The following CECR2 variants were observed in gnomAD, a reference collection of about 807,000 sequenced individuals.
CECR2 encodes the protein CECR2 histone acetyl-lysine reader, also known as chromatin remodeling regulator CECR2.
A neutral mutation model predicts 154.5 loss-of-function variants in CECR2; 30 were observed. The ratio of observed to expected loss-of-function variants is 0.19; its 90% CI spans 0.15 to 0.26. The LOEUF (loss-of-function observed/expected upper bound fraction) is 0.26. Among genes scored for constraint, CECR2 ranks in the 10% least tolerant of loss-of-function variants. CECR2 has a pLI of 1.00. For synonymous variants in CECR2, 725 were observed against 683.7 expected, an observed-to-expected ratio of 1.06 and a Z score of -0.94; for missense variants, 1,743 against 1,829.3, an observed-to-expected ratio of 0.95 and a Z score of 0.86.
chr22:17,464,784 AG>A (rs762228096), intron 1 of CECR2, among the ~76,000 whole-genome samples: 7 of 152,138 alleles, frequency 4.6e-5, no homozygotes, highest in Non-Finnish European at 7.4e-5. Flanking sequence ...TACATCCATG[AG>A]CCATTGTGCC....
chr22:17,376,009 C>A lies in CECR2; in HGVS notation c.126+6100C>A, dbSNP rs960956025. Among the ~76,000 whole-genome samples the A allele has an allele frequency of 3.0e-4, 45 of 151,050 alleles. 1 individual carries two copies. Among genetic ancestry groups the A allele is most frequent in the African/African-American group, 1.0e-3 (41 of 41,134 alleles). On this transcript the variant is annotated intron_variant, in intron 1 of 18. Transcript: ENST00000262608. ...TGTCACACTAATCTATTTAATGTAA[C>A]ATACTAGAGGATAAAATGCCTTCTA...
chr22:17,538,461 A>C, intron 10 of CECR2, 59 bp from the exon 11 acceptor site: 2 of 1,453,348 alleles, frequency 1.4e-6, no homozygotes, highest in Non-Finnish European at 1.9e-6. Context: ...TAGACCTGAG[A>C]GAGCTCAGGA....
intron 1 of CECR2, among the ~76,000 whole-genome samples, chr22:17,397,640 G>A (rs2053831971): frequency 6.6e-6 from 1 of 152,020 alleles, no homozygotes; most frequent in African/African-American, 2.4e-5. Context: ...TGGAACTACA[G>A]GCGCCCGCCA....
At chr22:17,394,804 T>A (rs1359976741) in intron 1 of CECR2, among the ~76,000 whole-genome samples, 1 of 152,226 alleles carries the variant, frequency 6.6e-6, no homozygotes, top group East Asian at 1.9e-4. Flanking sequence ...TATTTAGATC[T>A]TTGATTTCTT....
At chr22:17,454,562 A>ACC (rs1198781735) in intron 1 of CECR2, among the ~76,000 whole-genome samples, 4 of 148,760 alleles carry the variant, frequency 2.7e-5, no homozygotes, top group African/African-American at 1.0e-4. Context: ...CTGAGATCGC[A>ACC]CCACTGCACT....
intron 5 of CECR2, among the ~76,000 whole-genome samples, chr22:17,502,859 C>T (rs952877860): frequency 3.3e-5 from 5 of 152,096 alleles, no homozygotes; most frequent in African/African-American, 1.2e-4. Context: ...GATACTGTTG[C>T]CATAACATAG....
intron 1 of CECR2, among the ~76,000 whole-genome samples, chr22:17,397,698 T>A (rs528791935): frequency 2.6e-5 from 4 of 151,954 alleles, no homozygotes; most frequent in African/African-American, 9.7e-5. Flanking sequence ...GGGGTTTCAC[T>A]GTGTTAGCCA....
intron 9 of CECR2, among the ~76,000 whole-genome samples, chr22:17,532,813 G>A (rs2056379380): frequency 7.8e-6 from 1 of 128,282 alleles, no homozygotes; most frequent in African/African-American, 3.0e-5. Flanking sequence ...CGCCTCCCGG[G>A]TTCAAATAAT....
At chr22:17,497,305 C>CTGT in intron 2 of CECR2, 98 bp from the exon 3 acceptor site, 1 of 1,261,662 alleles carries the variant, frequency 7.9e-7, no homozygotes, top group South Asian at 1.5e-5. Context: ...AAACAAAAAT[C>CTGT]TGTTAGCTGT....
Position 17,476,983 on chromosome 22 carries a change from C to T in CECR2, c.127-605C>T, listed in dbSNP as rs866312919. On this transcript the variant is annotated intron_variant, in intron 1 of 18. Coordinates refer to ENST00000262608, the MANE Select transcript of CECR2 (RefSeq NM_001290047.2). ...AGGAAAGCAAAGACATTCACAGAGA[C>T]GTTACCTCATTCTGTTTAGATGATG... is the stretch of plus-strand genomic sequence containing the variant. The T allele has an allele frequency of 6.9e-5, 41 of 593,644 alleles. 1 individual carries two copies. The Middle Eastern group carries it at 1.5e-3, about 22-fold the overall frequency. 36.8% of individuals were successfully genotyped at this position (593,644 alleles called of 1,614,324 possible).
At chr22:17,443,107 C>T (rs765481075) in intron 1 of CECR2, among the ~76,000 whole-genome samples, 8 of 152,068 alleles carry the variant, frequency 5.3e-5, no homozygotes, top group South Asian at 2.1e-4. Flanking sequence ...TGCTTCTGAG[C>T]GTCTCTTCCT....
intron 8 of CECR2, among the ~76,000 whole-genome samples, chr22:17,513,999 G>A (rs1388709121): frequency 6.6e-6 from 1 of 152,182 alleles, no homozygotes; most frequent in Non-Finnish European, 1.5e-5. Flanking sequence ...CAGTATTACA[G>A]AGACTGTAAA....
At chr22:17,383,878 G>A (rs1380843109) in intron 1 of CECR2, among the ~76,000 whole-genome samples, 3 of 151,768 alleles carry the variant, frequency 2.0e-5, no homozygotes, top group Non-Finnish European at 4.4e-5. Context: ...TCACTATGTT[G>A]GCCAGGCTGG....
intron 1 of CECR2, among the ~76,000 whole-genome samples, chr22:17,445,065 A>G (rs948510088): frequency 1.3e-5 from 2 of 152,212 alleles, no homozygotes; most frequent in Non-Finnish European, 2.9e-5. Flanking sequence ...ATATCCTTAA[A>G]TGCTTTTGAA....
intron 1 of CECR2, among the ~76,000 whole-genome samples, chr22:17,362,718 A>G (rs1206066488): frequency 6.6e-6 from 1 of 151,850 alleles, no homozygotes; most frequent in Non-Finnish European, 1.5e-5. Context: ...CCTGGCCAAG[A>G]TGGTGAAACC....
At chr22:17,364,663 G>A (rs1425128262), upstream of CECR2, among the ~76,000 whole-genome samples, 1 of 152,020 alleles carries the variant, frequency 6.6e-6, no homozygotes, top group East Asian at 1.9e-4. Context: ...GGCCAATATG[G>A]TGAAACGCCA....
At chr22:17,380,490 CTCTT>C (rs778323280) in intron 1 of CECR2, among the ~76,000 whole-genome samples, 5 of 152,186 alleles carry the variant, frequency 3.3e-5, no homozygotes, top group Non-Finnish European at 5.9e-5. Flanking sequence ...ACAGCCCAGA[CTCTT>C]TATGAGCTAA....
At chr22:17,552,456 C>T (rs1166248746) in intron 18 of CECR2, among the ~76,000 whole-genome samples, 1 of 152,154 alleles carries the variant, frequency 6.6e-6, no homozygotes, top group African/African-American at 2.4e-5. Context: ...CCACCTTTCT[C>T]ATTGGAGAGA....
rs1320948178 is a variant in CECR2, at chr22:17,556,947, G to A, written c.*4107G>A. 3 of 145,872 alleles carry A rather than the reference G, an allele frequency of 2.1e-5. No individual in the cohort carries two copies. Among genetic ancestry groups the A allele is most frequent in the African/African-American group, 5.2e-5 (2 of 38,758 alleles). 9.0% of individuals were successfully genotyped at this position (145,872 alleles called of 1,614,324 possible). On this transcript the variant is annotated 3_prime_UTR_variant, in exon 19 of 19. Transcript: ENST00000262608. ...TCTTATTTCGGTTGAGAATGCAGAGGCTTTTATTCGTGGACTCACATCACT... is the reference window on the plus strand; with the variant it reads ...TCTTATTTCGGTTGAGAATGCAGAGACTTTTATTCGTGGACTCACATCACT...
Sources: allele counts gnomAD v4.1 joint callset (sites outside exome capture counted in the v4.1 genomes callset), GRCh38; gene constraint gnomAD v4.1.1; transcripts MANE v1.5; gene names NCBI Gene and HGNC (gene_info 2026-07-23, HGNC 2026-07-21).